Variants in PRR33 observed in about 807,000 individuals in gnomAD.
PRR33 encodes the protein proline rich 33.
Under a neutral mutation model 0.5 loss-of-function variants are expected in PRR33, and 1 was observed. The observed-to-expected ratio is 2.18, with a 90% CI of 0.77 to 10.34. The LOEUF (loss-of-function observed/expected upper bound fraction) is 10.34, where lower values mean the gene tolerates loss of function less well. Among genes scored for constraint, PRR33 ranks in the 30% most tolerant of loss-of-function variants. The probability of loss-of-function intolerance (pLI) is 0.13; values close to 1 mark genes in which losing one functional copy is unlikely to be tolerated. For missense variants in PRR33, 552 were observed against 251.8 expected (o/e 2.19, Z -8.07); for synonymous variants, 226 against 110.0 (o/e 2.06, Z -6.60).
exon 1 of PRR33, chr11:1,889,451 G>A (rs1565091018): frequency 4.7e-6 from 3 of 644,996 alleles, no homozygotes; most frequent in Non-Finnish European, 8.6e-6. Context: ...GCTCTGTGGG[G>A]GCAGGCACCT....
the PRR33 span, among the ~76,000 whole-genome samples, chr11:1,904,528 C>CA: frequency 2.0e-5 from 3 of 148,534 alleles, no homozygotes; most frequent in Non-Finnish European, 4.5e-5. Flanking sequence ...GACTCTATCT[C>CA]AAAAAAGAAA....
At chr11:1,900,923 G>A in the PRR33 span, among the ~76,000 whole-genome samples, 5 of 152,132 alleles carry the variant, frequency 3.3e-5, no homozygotes, top group Non-Finnish European at 5.9e-5. Context: ...GGCTGTTATC[G>A]TCTTTGTTTT....
chr11:1,890,583 A>G (rs1341976844), exon 1 of PRR33: 3 of 706,704 alleles, frequency 4.2e-6, no homozygotes, highest in African/African-American at 3.5e-5. Flanking sequence ...CGATATGAGC[A>G]TGACTGTGTC....
At chr11:1,913,666 G>A in the PRR33 span, among the ~76,000 whole-genome samples, 8 of 152,208 alleles carry the variant, frequency 5.3e-5, no homozygotes, top group East Asian at 3.8e-4. Flanking sequence ...TGACTTGGCC[G>A]CAGAGGGCAG....
At chr11:1,909,870 C>T in the PRR33 span, among the ~76,000 whole-genome samples, 67 of 152,346 alleles carry the variant, frequency 4.4e-4, no homozygotes, top group Admixed American at 1.3e-3. Flanking sequence ...TGGTGGAATC[C>T]TCTGCTCTGC....
At chr11:1,894,613 G>T (rs923738980), upstream of PRR33, among the ~76,000 whole-genome samples, 2 of 152,086 alleles carry the variant, frequency 1.3e-5, no homozygotes, top group African/African-American at 4.8e-5. Flanking sequence ...CTGTCACGTA[G>T]CATAACTATT....
chr11:1,893,986 G>A (rs944394240), upstream of PRR33, among the ~76,000 whole-genome samples: 15 of 110,246 alleles, frequency 1.4e-4, no homozygotes, highest in Admixed American at 9.0e-4. Context: ...GACAGAGAGC[G>A]GGAAGGATGG....
At chr11:1,902,947 C>G in the PRR33 span, among the ~76,000 whole-genome samples, 1 of 152,128 alleles carries the variant, frequency 6.6e-6, no homozygotes, top group African/African-American at 2.4e-5. Context: ...TGTAAACTGT[C>G]ATGGTGCTGG....
At chr11:1,914,899 GGAT>G in the PRR33 span, among the ~76,000 whole-genome samples, 2 of 139,330 alleles carry the variant, frequency 1.4e-5, no homozygotes, top group Non-Finnish European at 3.1e-5. Flanking sequence ...CACACACCTG[GGAT>G]GATGTTGCTC....
exon 1 of PRR33, chr11:1,890,324 C>A: frequency 1.4e-6 from 1 of 711,814 alleles, no homozygotes; most frequent in Non-Finnish European, 2.6e-6. Flanking sequence ...CGGCGGGGTG[C>A]GGGCCCTCAG....
upstream of PRR33, among the ~76,000 whole-genome samples, chr11:1,896,777 C>G (rs1226789426): frequency 3.3e-5 from 5 of 152,160 alleles, no homozygotes; most frequent in Non-Finnish European, 5.9e-5. Context: ...TCATAGATAT[C>G]CTGTATTAGG....
At chr11:1,892,326 G>C (rs907732469), upstream of PRR33, 2 of 152,298 alleles carry the variant, frequency 1.3e-5, no homozygotes, top group Non-Finnish European at 2.9e-5. Flanking sequence ...TGTTGGGCCA[G>C]TGGCCAGCCC....
chr11:1,893,518 T>A (rs1849076455), upstream of PRR33, among the ~76,000 whole-genome samples: 2 of 144,934 alleles, frequency 1.4e-5, no homozygotes, highest in South Asian at 4.4e-4. Context: ...CATGAGTGGA[T>A]AGGTAGATGA....
chr11:1,897,933 G>A, the PRR33 span, among the ~76,000 whole-genome samples: 1 of 152,162 alleles, frequency 6.6e-6, no homozygotes, highest in African/African-American at 2.4e-5. The surrounding 1 kb of genome is among the most constrained non-coding windows in gnomAD (Gnocchi z 4.0). Flanking sequence ...TCCTTAGGTG[G>A]GGTCCCATGA....
At chr11:1,913,346 G>T in the PRR33 span, among the ~76,000 whole-genome samples, 72 of 148,290 alleles carry the variant, frequency 4.9e-4, no homozygotes, top group African/African-American at 1.8e-3. Context: ...GGGTTTCACC[G>T]TGTGTTAGCC....
At chr11:1,888,786 G>A (rs893743310) in exon 1 of PRR33, 2 of 223,596 alleles carry the variant, frequency 8.9e-6, no homozygotes, top group Non-Finnish European at 1.7e-5. Flanking sequence ...ATCAGTGAGA[G>A]GCCCAGGCCC....
the PRR33 span, among the ~76,000 whole-genome samples, chr11:1,902,124 C>T: frequency 1.3e-5 from 2 of 150,964 alleles, no homozygotes; most frequent in African/African-American, 2.4e-5. Flanking sequence ...CCCAGCTACT[C>T]GGGAGGCTGA....
At chr11:1,916,596 G>A in the PRR33 span, among the ~76,000 whole-genome samples, 2 of 152,128 alleles carry the variant, frequency 1.3e-5, no homozygotes, top group Non-Finnish European at 2.9e-5. Flanking sequence ...CAGCACTGGG[G>A]TGCAGAGTGG....
chr11:1,891,823 G>C (rs1849012496), exon 1 of PRR33: 1 of 152,664 alleles, frequency 6.6e-6, no homozygotes, highest in Non-Finnish European at 1.5e-5. Flanking sequence ...GTACCCAGGG[G>C]AGATTCCAGC....
Sources: allele counts gnomAD v4.1 joint callset (sites outside exome capture counted in the v4.1 genomes callset), GRCh38; gene constraint gnomAD v4.1.1; non-coding constraint Gnocchi (gnomAD v3.1); transcripts MANE v1.5; gene names NCBI Gene and HGNC (gene_info 2026-07-23, HGNC 2026-07-21).